VPS13B: variants seen among roughly 807,000 people sequenced by gnomAD.
The protein encoded by VPS13B is vacuolar protein sorting 13 homolog B.
VPS13B carries 285 observed loss-of-function variants against 426.4 expected under a neutral mutation model. The ratio of observed to expected loss-of-function variants is 0.67; its 90% CI spans 0.61 to 0.74. VPS13B has a LOEUF of 0.74. Ranked by LOEUF, VPS13B falls within the 30% of genes least tolerant of loss-of-function variation. The probability of loss-of-function intolerance (pLI) is 0.00; values close to 1 mark genes in which losing one functional copy is unlikely to be tolerated. For synonymous variants in VPS13B, 1,676 were observed against 1,676.4 expected, an observed-to-expected ratio of 1.00 and a Z score of 0.01; for missense variants, 4,537 against 4,782.6, an observed-to-expected ratio of 0.95 and a Z score of 1.51.
intron 5 of VPS13B, among the ~76,000 whole-genome samples, chr8:99,109,115 C>G (rs1368946645): frequency 2.0e-5 from 3 of 151,924 alleles, no homozygotes; most frequent in African/African-American, 7.3e-5. Context: ...TCAATCAATA[C>G]TATGCTTTTA....
intron 39 of VPS13B, among the ~76,000 whole-genome samples, chr8:99,744,039 A>G (rs1488454188): frequency 2.6e-5 from 4 of 152,198 alleles, no homozygotes; most frequent in Admixed American, 6.5e-5. Context: ...TGAACAGGCA[A>G]CCTACAAAAT....
intron 45 of VPS13B, 81 bp from the exon 46 acceptor site, chr8:99,818,370 A>C: frequency 7.3e-7 from 1 of 1,362,296 alleles, no homozygotes; most frequent in African/African-American, 1.4e-5. Context: ...TAATCTTCCA[A>C]ACTGATGTAT....
At chr8:99,080,834 T>C (rs1359960373) in intron 3 of VPS13B, among the ~76,000 whole-genome samples, 1 of 152,162 alleles carries the variant, frequency 6.6e-6, no homozygotes, top group East Asian at 1.9e-4. Context: ...GTTTGTAAGG[T>C]TATTTTTAAC....
intron 3 of VPS13B, among the ~76,000 whole-genome samples, chr8:99,057,138 A>G (rs1203787804): frequency 6.6e-6 from 1 of 152,022 alleles, no homozygotes; most frequent in Non-Finnish European, 1.5e-5. Context: ...GATTTCCTCC[A>G]TAAATAATAA....
chr8:99,413,315 A>G (rs1815801210), intron 21 of VPS13B, among the ~76,000 whole-genome samples: 1 of 151,842 alleles, frequency 6.6e-6, no homozygotes, highest in South Asian at 2.1e-4. Context: ...AAATTTGTCC[A>G]TTTCTTCTAG....
chr8:99,567,275 G>T (rs189919017), intron 31 of VPS13B, among the ~76,000 whole-genome samples: 55 of 152,072 alleles, frequency 3.6e-4, no homozygotes, highest in Non-Finnish European at 7.6e-4. Context: ...GCAGTTCCAG[G>T]TTATAGATAT....
intron 12 of VPS13B, among the ~76,000 whole-genome samples, chr8:99,138,925 C>A (rs1810235085): frequency 6.6e-6 from 1 of 151,934 alleles, no homozygotes; most frequent in African/African-American, 2.4e-5. Context: ...GTATATATGC[C>A]TCTCCTGCAG....
chr8:99,297,006 TTATATA>T (rs112165288), intron 19 of VPS13B, among the ~76,000 whole-genome samples: 1 of 150,502 alleles, frequency 6.6e-6, no homozygotes, highest in African/African-American at 2.4e-5. Flanking sequence ...ATTTGTGTAT[TTATATA>T]TATATATATG....
intron 17 of VPS13B, among the ~76,000 whole-genome samples, chr8:99,249,167 G>A (rs541141723): frequency 7.8e-4 from 115 of 148,336 alleles, no homozygotes; most frequent in Non-Finnish European, 1.4e-3. Flanking sequence ...TTTGGTTTTC[G>A]CCACAGATCT....
chr8:99,116,631 G>T (rs1233460068), intron 7 of VPS13B, among the ~76,000 whole-genome samples: 2 of 149,196 alleles, frequency 1.3e-5, no homozygotes, highest in Non-Finnish European at 3.0e-5. Flanking sequence ...ACAGGGTTTT[G>T]CTATGTTGCC....
At chr8:99,467,657 AG>A (rs1415605427) in intron 24 of VPS13B, 23 bp downstream of exon 24, 1 of 1,609,330 alleles carries the variant, frequency 6.2e-7, no homozygotes, top group Admixed American at 1.7e-5. Flanking sequence ...GATTTATGAA[AG>A]GAAATTTAAA....
At chr8:99,732,047 C>T (rs897955196) in intron 39 of VPS13B, among the ~76,000 whole-genome samples, 9 of 152,148 alleles carry the variant, frequency 5.9e-5, no homozygotes, top group African/African-American at 2.2e-4. Context: ...AGTTTATAGA[C>T]CCCCCTATAA....
intron 36 of VPS13B, among the ~76,000 whole-genome samples, chr8:99,704,297 A>G (rs144332847): frequency 6.6e-6 from 1 of 152,316 alleles, no homozygotes; most frequent in Non-Finnish European, 1.5e-5. Context: ...TAAAATGTAA[A>G]GAACCTAAAG....
chr8:99,807,230 A>G (rs1813447272), intron 43 of VPS13B, among the ~76,000 whole-genome samples: 1 of 152,366 alleles, frequency 6.6e-6, no homozygotes, highest in African/African-American at 2.4e-5. Context: ...ACCTGACAGC[A>G]TATTCCTTGG....
chr8:99,185,543 TAAC>T (rs1298052787), intron 16 of VPS13B, among the ~76,000 whole-genome samples: 1 of 152,164 alleles, frequency 6.6e-6, no homozygotes, highest in African/African-American at 2.4e-5. Context: ...ATATGAGTAA[TAAC>T]AAAAATACAT....
At chr8:99,444,674 T>G (rs1563733814) in intron 23 of VPS13B, among the ~76,000 whole-genome samples, 1 of 152,124 alleles carries the variant, frequency 6.6e-6, no homozygotes, top group Non-Finnish European at 1.5e-5. Flanking sequence ...TATTTCTTTT[T>G]ATTTATTTAT....
chr8:99,588,865 TGA>T (rs752802014), intron 33 of VPS13B, among the ~76,000 whole-genome samples: 2 of 151,810 alleles, frequency 1.3e-5, no homozygotes, highest in Non-Finnish European at 2.9e-5. Flanking sequence ...ATAGGAGTGG[TGA>T]GAGAGGGCAT....
At chr8:99,354,510 A>G (rs1435956916) in intron 19 of VPS13B, among the ~76,000 whole-genome samples, 5 of 151,814 alleles carry the variant, frequency 3.3e-5, no homozygotes, top group African/African-American at 1.2e-4. Context: ...TTTTACATTT[A>G]GAAAGCATGT....
chr8:99,287,311 A>G (rs1819502118), intron 19 of VPS13B, among the ~76,000 whole-genome samples: 1 of 151,990 alleles, frequency 6.6e-6, no homozygotes. Flanking sequence ...GTATAGATAG[A>G]TAGATACATC....
Sources: allele counts gnomAD v4.1 joint callset (sites outside exome capture counted in the v4.1 genomes callset), GRCh38; gene constraint gnomAD v4.1.1; transcripts MANE v1.5; gene names NCBI Gene and HGNC (gene_info 2026-07-23, HGNC 2026-07-21).